Variants in TTC12 observed in about 807,000 individuals in gnomAD.
The protein encoded by TTC12 is tetratricopeptide repeat protein 12.
TTC12 carries 70 observed loss-of-function variants against 90.1 expected under a neutral mutation model. That is an observed-to-expected ratio of 0.78 (90% CI 0.64 to 0.95). The LOEUF (loss-of-function observed/expected upper bound fraction) is 0.95, where lower values mean the gene tolerates loss of function less well. Among genes scored for constraint, TTC12 ranks in the 40% least tolerant of loss-of-function variants. The probability of loss-of-function intolerance (pLI) is 0.00; values close to 1 mark genes in which losing one functional copy is unlikely to be tolerated. For missense variants in TTC12, 819 were observed against 846.1 expected (o/e 0.97, Z 0.40); for synonymous variants, 296 against 311.5 (o/e 0.95, Z 0.53).
rs1276107819 is a variant in TTC12 at position 113,364,969 on chromosome 11, T to G, written c.1951T>G (p.Leu651Val). 1.3e-5 allele frequency: 21 copies of G among 1,614,064 alleles called. No individual in the cohort carries two copies. The Admixed American group carries it at 1.3e-4, about 10-fold the overall frequency. ...GCTAAAGACGGACCTTTTGCAGGTCTTGTTAAAGCTTGCAGGCAGTGACAC... is the reference window on the plus strand; with the variant it reads ...GCTAAAGACGGACCTTTTGCAGGTCGTGTTAAAGCTTGCAGGCAGTGACAC... Reference protein sequence around the residue: ...SLLKTDLLQVLLKLAGSDTQK... With the variant: ...SLLKTDLLQVVLKLAGSDTQK... Residue 651 changes from leucine to valine, a missense_variant, in exon 21 of 22, where the codon TTG (leucine) becomes GTG (valine). Physicochemically the swap from Leu to Val is conservative, Grantham distance 32. Coordinates refer to ENST00000529221, the MANE Select transcript of TTC12 (RefSeq NM_017868.4).
At chr11:113,334,760 A>G (rs1948264002) in intron 7 of TTC12, among the ~76,000 whole-genome samples, 1 of 152,042 alleles carries the variant, frequency 6.6e-6, no homozygotes. Flanking sequence ...ATCATTAATT[A>G]ATTTGGTGAA....
At chr11:113,347,828 T>C (rs2138022965) in intron 13 of TTC12, among the ~76,000 whole-genome samples, 1 of 152,326 alleles carries the variant, frequency 6.6e-6, no homozygotes, top group Middle Eastern at 3.4e-3. Context: ...TCTGATGGCC[T>C]GTCATCTGTC....
intron 11 of TTC12, among the ~76,000 whole-genome samples, chr11:113,341,287 G>A (rs1401785737): frequency 6.6e-6 from 1 of 152,202 alleles, no homozygotes; most frequent in Non-Finnish European, 1.5e-5. Context: ...GCTCCTCTAA[G>A]CTCTTCAAAG....
chr11:113,370,780 CG>C (rs375254622), downstream of TTC12, among the ~76,000 whole-genome samples: 24 of 152,324 alleles, frequency 1.6e-4, 2 homozygotes, highest in South Asian at 5.0e-3. Flanking sequence ...CTGTCACCAG[CG>C]GGTTGGAAGG....
At chr11:113,317,612 A>T (rs1272915355) in intron 2 of TTC12, among the ~76,000 whole-genome samples, 1 of 151,952 alleles carries the variant, frequency 6.6e-6, no homozygotes. Flanking sequence ...CTCTGCTTGG[A>T]TTCCTTTTGC....
At chr11:113,359,829 G>A (rs1018552608) in intron 17 of TTC12, 111 bp from the exon 18 acceptor site, 16 of 772,844 alleles carry the variant, frequency 2.1e-5, no homozygotes, top group South Asian at 8.7e-5. Context: ...GAGGGAACCT[G>A]GGCATAGTGT....
intron 16 of TTC12, among the ~76,000 whole-genome samples, chr11:113,355,412 A>T (rs1306567231): frequency 6.6e-6 from 1 of 151,840 alleles, no homozygotes. Context: ...CAGCTTTAGG[A>T]TTTATTGATC....
At chr11:113,323,594 T>C in intron 3 of TTC12, 143 bp downstream of exon 3, 1 of 567,154 alleles carries the variant, frequency 1.8e-6, no homozygotes, top group East Asian at 3.3e-5. Context: ...AGTATAAAAT[T>C]TGATTTTTTT....
chr11:113,331,796 A>G (rs1249280830), intron 7 of TTC12, among the ~76,000 whole-genome samples: 5 of 152,260 alleles, frequency 3.3e-5, no homozygotes, highest in African/African-American at 1.2e-4. Context: ...TGACATTAAA[A>G]AACACTGACA....
downstream of TTC12, among the ~76,000 whole-genome samples, chr11:113,370,996 T>C (rs1950369895): frequency 6.6e-6 from 1 of 152,176 alleles, no homozygotes; most frequent in Non-Finnish European, 1.5e-5. Context: ...TTCATCTCGC[T>C]GCTGCTGGGA....
intron 12 of TTC12, 84 bp downstream of exon 12, chr11:113,342,009 G>T: frequency 3.3e-6 from 4 of 1,200,750 alleles, no homozygotes; most frequent in Non-Finnish European, 5.0e-6. Flanking sequence ...CTCCCCAAAG[G>T]CCAGGCCCTG....
At position 113,351,289 on chromosome 11, in the gene TTC12, C is replaced by A; in HGVS notation, c.1298C>A (p.Thr433Lys). 4 of 1,614,008 alleles carry A rather than the reference C, an allele frequency of 2.5e-6. No homozygotes were observed. Among genetic ancestry groups the A allele is most frequent in the Non-Finnish European group, 3.4e-6 (4 of 1,179,836 alleles). The change falls in exon 15 of 22, where the codon ACA becomes AAA. Residue 433 changes from threonine to lysine, a missense_variant. Coordinates refer to ENST00000529221, the MANE Select transcript of TTC12 (RefSeq NM_017868.4). ...ANLPGVLPAL[T>K]GVLKTDPKVS... ...CTTCCAGGTGTTCTCCCTGCACTCA[C>A]AGGCGTTCTGGTGAGCAAACTGTCA...
chr11:113,361,338 A>G (rs1191055754), intron 18 of TTC12, among the ~76,000 whole-genome samples: 3 of 152,250 alleles, frequency 2.0e-5, no homozygotes, highest in Admixed American at 6.5e-5. Context: ...TGAACAGGCA[A>G]TGGTTACCAA....
At chr11:113,371,411 T>C (rs943882814) in intron 21 of TTC12, 18 of 152,184 alleles carry the variant, frequency 1.2e-4, no homozygotes, top group Non-Finnish European at 2.1e-4. Flanking sequence ...TATTGTTTTT[T>C]CCCCAAATAT....
chr11:113,333,186 T>A (rs1268007693), intron 7 of TTC12, among the ~76,000 whole-genome samples: 1 of 152,134 alleles, frequency 6.6e-6, no homozygotes, highest in Non-Finnish European at 1.5e-5. Flanking sequence ...GGCTACCATA[T>A]GGTGTTGCCA....
At chr11:113,358,949 T>C (rs1949770458) in intron 16 of TTC12, among the ~76,000 whole-genome samples, 2 of 152,182 alleles carry the variant, frequency 1.3e-5, no homozygotes, top group African/African-American at 4.8e-5. Flanking sequence ...TCCCTTCATC[T>C]ACTCTCAGTG....
intron 11 of TTC12, among the ~76,000 whole-genome samples, chr11:113,341,353 T>A (rs953394456): frequency 6.6e-6 from 1 of 152,274 alleles, no homozygotes. Flanking sequence ...GGTTGTCATT[T>A]GTTCATTTCT....
At chr11:113,363,702 T>A (rs912146380) in intron 19 of TTC12, 126 bp from the exon 20 acceptor site, 2 of 654,448 alleles carry the variant, frequency 3.1e-6, no homozygotes, top group Non-Finnish European at 5.3e-6. Flanking sequence ...CACATGCCGT[T>A]CTCAGTAGAA....
intron 19 of TTC12, 107 bp downstream of exon 19, chr11:113,362,609 C>T: frequency 1.3e-6 from 1 of 763,434 alleles, no homozygotes; most frequent in Non-Finnish European, 2.2e-6. Context: ...GCTGCCATTT[C>T]TTCCTTGCTA....
Sources: allele counts gnomAD v4.1 joint callset (sites outside exome capture counted in the v4.1 genomes callset), GRCh38; gene constraint gnomAD v4.1.1; transcripts MANE v1.5; gene names NCBI Gene and HGNC (gene_info 2026-07-23, HGNC 2026-07-21).